The following KANSL2 variants were observed in gnomAD, a reference collection of about 807,000 sequenced individuals.
The protein encoded by KANSL2 is KAT8 regulatory NSL complex subunit 2.
A neutral mutation model predicts 55.6 loss-of-function variants in KANSL2; 34 were observed. The ratio of observed to expected loss-of-function variants is 0.61; its 90% CI spans 0.46 to 0.81. The LOEUF (loss-of-function observed/expected upper bound fraction) is 0.81, where lower values mean the gene tolerates loss of function less well. Ranked by LOEUF, KANSL2 falls within the 40% of genes least tolerant of loss-of-function variation. KANSL2 has a pLI of 0.00. For synonymous variants in KANSL2, 209 were observed against 214.3 expected (o/e 0.98, Z 0.22); for missense variants, 502 against 609.9 (o/e 0.82, Z 1.86).
intron 8 of KANSL2, among the ~76,000 whole-genome samples, chr12:48,658,425 G>C (rs1218909602): frequency 6.6e-6 from 1 of 152,110 alleles, no homozygotes; most frequent in Non-Finnish European, 1.5e-5. Flanking sequence ...TAAAACAGGA[G>C]TGTTTTAAAA....
At chr12:48,681,781 C>G in intron 1 of KANSL2, 140 bp from the exon 2 acceptor site, 1 of 1,047,272 alleles carries the variant, frequency 9.5e-7, no homozygotes, top group Non-Finnish European at 1.4e-6. Context: ...GCCGCCCTCC[C>G]CAAGTCTCCA....
intron 7 of KANSL2, chr12:48,662,686 C>CT: frequency 8.6e-6 from 11 of 1,276,752 alleles, no homozygotes; most frequent in Non-Finnish European, 1.1e-5. Context: ...GGGTAAGTGA[C>CT]TTAGGCAACT....
In KANSL2 at chr12:48,653,672, T is replaced by A. The variant is rs1233412081; in HGVS notation, c.*372A>T. 3.0e-5 allele frequency: 5 copies of A among 164,068 alleles called. No homozygotes were observed. The East Asian group carries it at 8.7e-4, about 29-fold the overall frequency. 10.2% of individuals were successfully genotyped at this position (164,068 alleles called of 1,614,324 possible). A position where few individuals can be genotyped will look rare whatever the true frequency, so the allele number is the denominator to read the frequency against. On this transcript the variant is annotated 3_prime_UTR_variant, in exon 10 of 10. Transcript: ENST00000420613. The stretch of plus-strand genomic sequence containing the variant: ...TAAACTGCAGGTCTTCAGATAGAGA[T>A]AACCGATATTAGGGCCATCAGTATC...
Position 48,654,955 on chromosome 12 carries a change from G to T in KANSL2, c.1333C>A (p.Pro445Thr), listed in dbSNP as rs3741628. Residue 445 changes from proline to threonine, a missense_variant, in exon 9 of 10, where the codon CCA becomes ACA. Pro to Thr is a conservative substitution (Grantham distance 38, BLOSUM62 -1). Transcript: ENST00000420613. The part of the protein sequence containing the change: ...DHLVKEIAED[P>T]VDILGQMQMA... The stretch of plus-strand genomic sequence containing the variant: ...TCTTCACTTGCCAAAATATCCACTG[G>T]GTCTTCAGCAATTTCTTTGACTAAA... 0.57 allele frequency: 898,408 copies of T among 1,567,610 alleles called. 261,902 individuals carry two copies. The highest frequency in any genetic ancestry group is 0.77 in the East Asian group (32,613 of 42,474).
chr12:48,662,555 C>T, intron 7 of KANSL2: 1 of 1,275,398 alleles, frequency 7.8e-7, no homozygotes, highest in Non-Finnish European at 1.0e-6. Flanking sequence ...GAATGGTTAA[C>T]CTACAACTAG....
chr12:48,680,622 T>C (rs1447638815), intron 2 of KANSL2, among the ~76,000 whole-genome samples: 3 of 152,120 alleles, frequency 2.0e-5, no homozygotes, highest in African/African-American at 4.8e-5. Flanking sequence ...ATATATAACT[T>C]TGCATGTTAT....
At chr12:48,658,442 G>T (rs746663598) in intron 8 of KANSL2, among the ~76,000 whole-genome samples, 1 of 152,106 alleles carries the variant, frequency 6.6e-6, no homozygotes, top group African/African-American at 2.4e-5. Flanking sequence ...AAAAATTGAA[G>T]TATCAGGATA....
intron 7 of KANSL2, among the ~76,000 whole-genome samples, chr12:48,663,210 A>G (rs1281073810): frequency 1.3e-5 from 2 of 152,200 alleles, no homozygotes; most frequent in Non-Finnish European, 2.9e-5. Flanking sequence ...TTATCTCCTT[A>G]AAATAAATTC....
intron 8 of KANSL2, chr12:48,656,630 A>T (rs1372129211): frequency 4.9e-6 from 2 of 407,058 alleles, no homozygotes; most frequent in African/African-American, 4.3e-5. Context: ...AAAAAAAAAA[A>T]TGACATTACA....
chr12:48,676,733 CAATT>C (rs1449795862), intron 4 of KANSL2, among the ~76,000 whole-genome samples: 2 of 151,444 alleles, frequency 1.3e-5, no homozygotes, highest in African/African-American at 4.9e-5. Context: ...TTTAACAAAA[CAATT>C]AAGTAAGTGG....
At chr12:48,662,664 G>A in intron 7 of KANSL2, 1 of 1,285,936 alleles carries the variant, frequency 7.8e-7, no homozygotes, top group South Asian at 1.2e-5. Flanking sequence ...TCTGGGATAA[G>A]GACTTAAGGA....
intron 7 of KANSL2, among the ~76,000 whole-genome samples, chr12:48,667,302 A>AT (rs1395650929): frequency 6.6e-6 from 1 of 152,186 alleles, no homozygotes; most frequent in Admixed American, 6.6e-5. Flanking sequence ...ACCCACAGTA[A>AT]TTTTTTAAGT....
At chr12:48,654,793 G>A (rs1939345838) in intron 9 of KANSL2, 148 bp downstream of exon 9, 2 of 789,050 alleles carry the variant, frequency 2.5e-6, no homozygotes, top group Non-Finnish European at 4.0e-6. Context: ...TGCTTATATG[G>A]TATTCAATAA....
chr12:48,682,132 A>G, intron 1 of KANSL2, 55 bp downstream of exon 1: 1 of 702,788 alleles, frequency 1.4e-6, no homozygotes, highest in South Asian at 1.5e-5. Flanking sequence ...TGACAAAAAG[A>G]GCGAAATAGC....
In KANSL2 at chr12:48,653,218, C is replaced by T. The variant is rs74451678; in HGVS notation, c.*826G>A. Among the ~76,000 whole-genome samples the T allele has an allele frequency of 0.016, 2,482 of 152,232 alleles. 29 individuals are homozygous for T. The highest frequency in any genetic ancestry group is 0.024 in the Non-Finnish European group (1,625 of 68,008). On this transcript the variant is annotated 3_prime_UTR_variant, in exon 10 of 10. Transcript: ENST00000420613. ...GTAAAAAGAAGAAAGATATTTGGAACTGATGGGCTTTAATAAGTCCTGCCC... is the reference window on the plus strand; with the variant it reads ...GTAAAAAGAAGAAAGATATTTGGAATTGATGGGCTTTAATAAGTCCTGCCC...
intron 8 of KANSL2, 132 bp from the exon 9 acceptor site, chr12:48,655,192 T>A: frequency 9.6e-5 from 76 of 788,490 alleles, no homozygotes; most frequent in Middle Eastern, 2.5e-4. Context: ...AAAAAAAAAA[T>A]TTTACAAGAG....
chr12:48,658,952 A>G (rs1404404769), intron 8 of KANSL2, among the ~76,000 whole-genome samples: 1 of 152,182 alleles, frequency 6.6e-6, no homozygotes, highest in East Asian at 1.9e-4. Context: ...TACTCATATT[A>G]ATATCTGATG....
intron 7 of KANSL2, chr12:48,662,485 TCCC>T (rs1443372651): frequency 1.7e-6 from 2 of 1,150,522 alleles, no homozygotes; most frequent in African/African-American, 3.3e-5. Flanking sequence ...AAAAAAGGAC[TCCC>T]CCCATCATCC....
At chr12:48,676,519 G>T (rs1939824646) in intron 4 of KANSL2, among the ~76,000 whole-genome samples, 1 of 152,066 alleles carries the variant, frequency 6.6e-6, no homozygotes, top group African/African-American at 2.4e-5. Flanking sequence ...TCAGCTGGGT[G>T]TGGTGGCGGG....
Sources: allele counts gnomAD v4.1 joint callset (sites outside exome capture counted in the v4.1 genomes callset), GRCh38; gene constraint gnomAD v4.1.1; transcripts MANE v1.5; gene names NCBI Gene and HGNC (gene_info 2026-07-23, HGNC 2026-07-21).